STARD13: variants seen among roughly 807,000 people sequenced by gnomAD.
STARD13 encodes StAR related lipid transfer domain containing 13.
In STARD13, 62 loss-of-function variants were observed where a neutral mutation model predicts 106.4. The ratio of observed to expected loss-of-function variants is 0.58; its 90% CI spans 0.48 to 0.72. STARD13 has a LOEUF of 0.72. Ranked by LOEUF, STARD13 falls within the 30% of genes least tolerant of loss-of-function variation. The pLI is 0.00. For missense variants in STARD13, 1,387 were observed against 1,424.0 expected (o/e 0.97, Z 0.42); for synonymous variants, 565 against 553.0 (o/e 1.02, Z -0.31).
intron 4 of STARD13, among the ~76,000 whole-genome samples, chr13:33,132,103 T>C (rs1160195695): frequency 6.6e-6 from 1 of 152,184 alleles, no homozygotes; most frequent in Non-Finnish European, 1.5e-5. Flanking sequence ...CTAGTTTCCG[T>C]GTAGGTTTGA....
At chr13:33,177,792 G>GAAGGAAGGAAGT (rs1555242582) in intron 1 of STARD13, among the ~76,000 whole-genome samples, 1 of 36,090 alleles carries the variant, frequency 2.8e-5, no homozygotes, top group African/African-American at 1.6e-4. Flanking sequence ...AGGAAGGAAG[G>GAAGGAAGGAAGT]AAGGAAGGAA....
intron 1 of STARD13, among the ~76,000 whole-genome samples, chr13:33,250,867 T>C (rs1488866327): frequency 1.3e-5 from 2 of 152,218 alleles, no homozygotes; most frequent in African/African-American, 4.8e-5. Context: ...ATAAACTGTA[T>C]GAGGACAAGA....
At chr13:33,629,430 T>G in the STARD13 span, among the ~76,000 whole-genome samples, 1 of 152,240 alleles carries the variant, frequency 6.6e-6, no homozygotes, top group Non-Finnish European at 1.5e-5. Flanking sequence ...CTGCCAGCCA[T>G]ATGTCTTTTA....
chr13:33,421,609 T>C, the STARD13 span, among the ~76,000 whole-genome samples: 1 of 152,118 alleles, frequency 6.6e-6, no homozygotes, highest in East Asian at 1.9e-4. Flanking sequence ...GCCAACATCA[T>C]CCTGATACCA....
At chr13:33,525,928 A>G in the STARD13 span, among the ~76,000 whole-genome samples, 10 of 152,156 alleles carry the variant, frequency 6.6e-5, no homozygotes, top group Non-Finnish European at 1.5e-5. Context: ...ACTTTTTGAC[A>G]TTTATTCAAC....
chr13:33,434,370 A>AG, the STARD13 span, among the ~76,000 whole-genome samples: 2 of 151,062 alleles, frequency 1.3e-5, no homozygotes, highest in African/African-American at 2.4e-5. Flanking sequence ...AAAAAAAAAA[A>AG]AAAGAAAGAA....
chr13:33,250,143 G>T (rs1264174647), intron 1 of STARD13, among the ~76,000 whole-genome samples: 1 of 151,848 alleles, frequency 6.6e-6, no homozygotes, highest in Non-Finnish European at 1.5e-5. Context: ...CCCTTATTTT[G>T]TTTCCTCAAT....
intron 1 of STARD13, among the ~76,000 whole-genome samples, chr13:33,259,196 C>T (rs1890517512): frequency 1.3e-5 from 2 of 152,224 alleles, no homozygotes; most frequent in Admixed American, 6.5e-5. Flanking sequence ...CTAACAGTTG[C>T]TGAATAAATG....
At chr13:33,427,199 C>T in the STARD13 span, among the ~76,000 whole-genome samples, 1 of 152,094 alleles carries the variant, frequency 6.6e-6, no homozygotes, top group Non-Finnish European at 1.5e-5. Context: ...GAAAATGAGA[C>T]GTACACAGAT....
chr13:33,558,324 A>AT, the STARD13 span, among the ~76,000 whole-genome samples: 9 of 152,170 alleles, frequency 5.9e-5, no homozygotes, highest in African/African-American at 9.7e-5. Flanking sequence ...GTTAAGGTTA[A>AT]ATAAGTCAAT....
At chr13:33,475,914 G>C in the STARD13 span, among the ~76,000 whole-genome samples, 1 of 151,814 alleles carries the variant, frequency 6.6e-6, no homozygotes, top group Non-Finnish European at 1.5e-5. Flanking sequence ...CCGAGATGGC[G>C]CCACTGCACT....
the STARD13 span, among the ~76,000 whole-genome samples, chr13:33,408,518 T>C: frequency 6.6e-6 from 1 of 152,200 alleles, no homozygotes; most frequent in East Asian, 1.9e-4. Context: ...TATTCCATTG[T>C]TTGTATACAC....
chr13:33,557,513 T>G, the STARD13 span, among the ~76,000 whole-genome samples: 2 of 152,218 alleles, frequency 1.3e-5, no homozygotes, highest in Non-Finnish European at 2.9e-5. Context: ...TATGAAGAAT[T>G]TACATTCTTC....
chr13:33,643,769 T>A, the STARD13 span, among the ~76,000 whole-genome samples: 1 of 152,222 alleles, frequency 6.6e-6, no homozygotes, highest in African/African-American at 2.4e-5. Flanking sequence ...CACTGCACGC[T>A]TCTTAAACTT....
Position 33,104,615 on chromosome 13 carries a change from G to C in STARD13, c.*978C>G, listed in dbSNP as rs1424090737. 1 of 152,620 alleles carries C rather than the reference G, an allele frequency of 6.6e-6. No homozygotes were observed. The highest frequency in any genetic ancestry group is 1.5e-5 in the Non-Finnish European group (1 of 68,018). The allele number at this position is 152,620 out of a possible 1,614,324, so 9.5% of individuals were successfully genotyped here. On this transcript the variant is annotated 3_prime_UTR_variant, in exon 14 of 14. Coordinates refer to ENST00000336934, the MANE Select transcript of STARD13 (RefSeq NM_178006.4). ...AACACCAATTAACTGTGACCAAATA[G>C]GCCACTGGTCAAATAGAATGACATT...
the STARD13 span, among the ~76,000 whole-genome samples, chr13:33,537,429 T>C: frequency 6.6e-6 from 1 of 152,232 alleles, no homozygotes; most frequent in African/African-American, 2.4e-5. Flanking sequence ...TTACAAACAA[T>C]CTTATTAAAA....
upstream of STARD13, chr13:33,285,832 G>C: frequency 7.8e-7 from 1 of 1,283,122 alleles, no homozygotes; most frequent in Non-Finnish European, 1.0e-6. Flanking sequence ...GGGAACCAAT[G>C]AGAGGAAGAG....
downstream of STARD13, among the ~76,000 whole-genome samples, chr13:33,346,962 A>C (rs1490133682): frequency 6.6e-6 from 1 of 152,168 alleles, no homozygotes; most frequent in Non-Finnish European, 1.5e-5. Flanking sequence ...ATTATAAAGC[A>C]CTTTGAACAC....
the STARD13 span, among the ~76,000 whole-genome samples, chr13:33,504,913 C>T: frequency 6.6e-6 from 1 of 152,092 alleles, no homozygotes; most frequent in African/African-American, 2.4e-5. Flanking sequence ...TGAGGCATTG[C>T]TAGAAAGGTC....
Sources: allele counts gnomAD v4.1 joint callset (sites outside exome capture counted in the v4.1 genomes callset), GRCh38; gene constraint gnomAD v4.1.1; transcripts MANE v1.5; gene names NCBI Gene and HGNC (gene_info 2026-07-23, HGNC 2026-07-21).